TMTC2: variants seen among roughly 807,000 people sequenced by gnomAD.
TMTC2 encodes protein O-mannosyl-transferase TMTC2.
TMTC2 carries 43 observed loss-of-function variants against 82.4 expected under a neutral mutation model. The ratio of observed to expected loss-of-function variants is 0.52; its 90% CI spans 0.41 to 0.67. The LOEUF (loss-of-function observed/expected upper bound fraction) is 0.67, where lower values mean the gene tolerates loss of function less well. Ranked by LOEUF, TMTC2 falls within the 30% of genes least tolerant of loss-of-function variation. TMTC2 has a pLI of 0.00. For synonymous variants in TMTC2, 408 were observed against 381.9 expected (o/e 1.07, Z -0.80); for missense variants, 919 against 1,012.4 (o/e 0.91, Z 1.25).
At chr12:82,895,658 A>G (rs1873623910) in intron 2 of TMTC2, among the ~76,000 whole-genome samples, 160 bp from the exon 3 acceptor site, 1 of 152,204 alleles carries the variant, frequency 6.6e-6, no homozygotes. Context: ...AAATTTCTCT[A>G]GGCGTGCTTG....
chr12:83,081,335 A>C (rs937081707), intron 11 of TMTC2, among the ~76,000 whole-genome samples: 1 of 152,204 alleles, frequency 6.6e-6, no homozygotes, highest in African/African-American at 2.4e-5. Context: ...TTTTTATAAA[A>C]ATAATTTATT....
At position 82,951,678 on chromosome 12, in the gene TMTC2, T is replaced by G. The variant is rs1435676371; in HGVS notation, c.1599-13346T>G. ...TTAATTTTGCTCACAGTACATATGA[T>G]ATGCAAAAATCACATAGAATAACGT... On this transcript the variant is annotated intron_variant, in intron 4 of 11. Transcript: ENST00000321196. 2.0e-5 allele frequency among the ~76,000 whole-genome samples: 3 copies of G among 152,202 alleles called. No individual in the cohort carries two copies. In the East Asian group the frequency reaches 5.8e-4, roughly 29 times the overall value.
At chr12:82,951,112 GAC>G (rs1183233683) in intron 4 of TMTC2, among the ~76,000 whole-genome samples, 5 of 152,166 alleles carry the variant, frequency 3.3e-5, no homozygotes, top group African/African-American at 1.2e-4. Flanking sequence ...TGACACAAGT[GAC>G]ACACTCTGAA....
chr12:83,055,312 T>C (rs185131927), intron 10 of TMTC2, among the ~76,000 whole-genome samples: 1 of 152,112 alleles, frequency 6.6e-6, no homozygotes, highest in African/African-American at 2.4e-5. Context: ...TGATTACCAA[T>C]TGTATTCATA....
chr12:82,687,550 G>A lies in TMTC2; in HGVS notation c.-37G>A, dbSNP rs1236959380. On this transcript the variant is annotated 5_prime_UTR_variant, in exon 1 of 12. Coordinates refer to ENST00000321196, the MANE Select transcript of TMTC2 (RefSeq NM_152588.3). Reference sequence around the variant, plus strand: ...GTTTTTTGTTGCCGCTGCTGCCCTCGCGCTGGGAGCCGAGCCGGAGGGAAG... The same window carrying A: ...GTTTTTTGTTGCCGCTGCTGCCCTCACGCTGGGAGCCGAGCCGGAGGGAAG... The A allele has an allele frequency of 6.3e-7, 1 of 1,575,172 alleles. No individual in the cohort carries two copies. The highest frequency in any genetic ancestry group is 2.3e-5 in the East Asian group (1 of 43,860).
chr12:82,722,003 A>G (rs1874227596), intron 1 of TMTC2, among the ~76,000 whole-genome samples: 1 of 151,668 alleles, frequency 6.6e-6, no homozygotes, highest in Non-Finnish European at 1.5e-5. Context: ...GATTTTTCTC[A>G]TATACTCTGT....
At chr12:82,842,843 C>T (rs1203920274) in intron 1 of TMTC2, among the ~76,000 whole-genome samples, 2 of 152,094 alleles carry the variant, frequency 1.3e-5, no homozygotes, top group Non-Finnish European at 2.9e-5. Flanking sequence ...TTTTCTTGGA[C>T]ACCAGTCATG....
chr12:82,930,998 T>A (rs773569592), intron 4 of TMTC2, among the ~76,000 whole-genome samples: 2 of 152,148 alleles, frequency 1.3e-5, no homozygotes, highest in Non-Finnish European at 2.9e-5. Context: ...AGCCTCAAAC[T>A]CCTGAGCTCA....
At chr12:82,834,632 C>CT (rs932062253) in intron 1 of TMTC2, among the ~76,000 whole-genome samples, 4 of 152,180 alleles carry the variant, frequency 2.6e-5, no homozygotes, top group Non-Finnish European at 5.9e-5. Context: ...AAATGAGCCT[C>CT]TCTCCTTCAG....
At chr12:83,079,476 C>T (rs1883392100) in intron 11 of TMTC2, among the ~76,000 whole-genome samples, 1 of 152,064 alleles carries the variant, frequency 6.6e-6, no homozygotes, top group Non-Finnish European at 1.5e-5. Context: ...CAACAGAGTT[C>T]AAGTATCATT....
intron 11 of TMTC2, among the ~76,000 whole-genome samples, chr12:83,121,733 T>C (rs2137561450): frequency 6.6e-6 from 1 of 152,168 alleles, no homozygotes; most frequent in South Asian, 2.1e-4. Context: ...TATATACCCT[T>C]TGTCTTCAGT....
At chr12:82,694,786 A>T (rs1483323331) in intron 1 of TMTC2, among the ~76,000 whole-genome samples, 1 of 66,230 alleles carries the variant, frequency 1.5e-5, no homozygotes, top group African/African-American at 4.1e-5. Flanking sequence ...GATTTAAGTT[A>T]AAAAAAAAAA....
intron 1 of TMTC2, among the ~76,000 whole-genome samples, chr12:82,768,653 A>G (rs1001306463): frequency 1.3e-5 from 2 of 151,920 alleles, no homozygotes; most frequent in Non-Finnish European, 2.9e-5. Flanking sequence ...CAATATATAC[A>G]GGAGAAATTC....
chr12:82,806,717 A>T (rs1016329442), intron 1 of TMTC2, among the ~76,000 whole-genome samples: 2 of 151,850 alleles, frequency 1.3e-5, no homozygotes, highest in African/African-American at 4.8e-5. Flanking sequence ...AGAAAAAAAT[A>T]TATTCATTGT....
chr12:82,773,053 C>T (rs1877392181), intron 1 of TMTC2, among the ~76,000 whole-genome samples: 1 of 152,084 alleles, frequency 6.6e-6, no homozygotes, highest in African/African-American at 2.4e-5. Flanking sequence ...TACAGTTTTT[C>T]TTCATAAAAT....
At chr12:82,863,308 G>A (rs182724965) in intron 2 of TMTC2, among the ~76,000 whole-genome samples, 106 of 152,094 alleles carry the variant, frequency 7.0e-4, no homozygotes, top group African/African-American at 1.4e-3. Context: ...TTGACTTTGC[G>A]AGAATCCAGA....
At chr12:82,734,520 A>G (rs1276036527) in intron 1 of TMTC2, among the ~76,000 whole-genome samples, 2 of 152,254 alleles carry the variant, frequency 1.3e-5, no homozygotes, top group East Asian at 1.9e-4. Flanking sequence ...TCTCTCTGAC[A>G]TCTCTTCTGC....
intron 4 of TMTC2, among the ~76,000 whole-genome samples, chr12:82,942,571 A>G (rs1876780591): frequency 6.6e-6 from 1 of 152,222 alleles, no homozygotes; most frequent in Non-Finnish European, 1.5e-5. Flanking sequence ...GGGCAAATTG[A>G]CAATGTTTAA....
intron 2 of TMTC2, among the ~76,000 whole-genome samples, chr12:82,859,287 C>T (rs1433974847): frequency 4.6e-5 from 7 of 152,052 alleles, no homozygotes; most frequent in Admixed American, 3.9e-4. Flanking sequence ...AGGATGGTCT[C>T]GATCTCTTGA....
Sources: gnomAD v4.1 joint callset for allele counts (sites outside exome capture counted in the v4.1 genomes callset) on GRCh38, gnomAD v4.1.1 for gene constraint, MANE v1.5 for transcripts, NCBI Gene and HGNC (gene_info 2026-07-23, HGNC 2026-07-21) for gene names.